MDM1: variants seen among roughly 807,000 people sequenced by gnomAD.
The protein encoded by MDM1 is Mdm1 nuclear protein.
Under a neutral mutation model 89.1 loss-of-function variants are expected in MDM1, and 61 were observed. The ratio of observed to expected loss-of-function variants is 0.68; its 90% CI spans 0.56 to 0.85. The LOEUF (loss-of-function observed/expected upper bound fraction) is 0.85. MDM1 is among the 40% of genes least tolerant of loss of function. The probability of loss-of-function intolerance (pLI) is 0.00; values close to 1 mark genes in which losing one functional copy is unlikely to be tolerated. For synonymous variants in MDM1, 290 were observed against 294.1 expected (o/e 0.99, Z 0.14); for missense variants, 820 against 846.5 (o/e 0.97, Z 0.39).
At chr12:68,304,261 A>T (rs77019553) in intron 12 of MDM1, among the ~76,000 whole-genome samples, 6,119 of 152,224 alleles carry the variant, frequency 0.04, 414 homozygotes, top group African/African-American at 0.14. Flanking sequence ...TAAAAAAAAA[A>T]TTAAATTAAA....
intron 1 of MDM1, 118 bp downstream of exon 1, chr12:68,332,110 G>A: frequency 1.4e-6 from 2 of 1,418,462 alleles, no homozygotes; most frequent in South Asian, 2.5e-5. Flanking sequence ...CCCTGGGGCT[G>A]GCAGCTTCCG....
Position 68,295,345 on chromosome 12 carries a change from A to G in MDM1, c.2084T>C (p.Ile695Thr). 2 of 1,612,410 alleles carry G rather than the reference A, an allele frequency of 1.2e-6. No individual in the cohort carries two copies. The highest frequency in any genetic ancestry group is 1.7e-6 in the Non-Finnish European group (2 of 1,179,002). ...ACTAGAAGCTGCAGAGCGAGCAGAA[A>G]TCTCAGACAATCTGTCCTCATCTGC... is the stretch of plus-strand genomic sequence containing the variant. ...NDEDEDRLSEISARSAASSLR... is the reference protein window; with the variant it reads ...NDEDEDRLSETSARSAASSLR... The change falls in exon 15 of 15, where the codon ATT becomes ACT. Residue 695 changes from isoleucine to threonine, a missense_variant. Ile to Thr is a moderately conservative substitution (Grantham distance 89). Transcript: ENST00000682720.
At chr12:68,309,877 T>C (rs1873449470) in intron 12 of MDM1, among the ~76,000 whole-genome samples, 1 of 152,234 alleles carries the variant, frequency 6.6e-6, no homozygotes. Context: ...AGCTAGCTCC[T>C]GGTATAGTCC....
At chr12:68,318,621 C>A (rs1475947265) in intron 7 of MDM1, among the ~76,000 whole-genome samples, 1 of 151,890 alleles carries the variant, frequency 6.6e-6, no homozygotes, top group East Asian at 1.9e-4. Context: ...GTAGTATGTT[C>A]TACTAAAAAG....
intron 12 of MDM1, among the ~76,000 whole-genome samples, chr12:68,311,674 A>C (rs1445676214): frequency 6.6e-6 from 1 of 152,078 alleles, no homozygotes. Context: ...TCTCTCTCCA[A>C]AATTATTCTT....
intron 3 of MDM1, 29 bp from the exon 4 acceptor site, chr12:68,325,604 A>C: frequency 6.8e-7 from 1 of 1,480,784 alleles, no homozygotes; most frequent in Non-Finnish European, 9.0e-7. Flanking sequence ...CCACTCAAAG[A>C]CATTAAAAAT....
intron 10 of MDM1, 37 bp from the exon 11 acceptor site, chr12:68,313,790 T>C (rs1230097406): frequency 2.1e-6 from 3 of 1,457,152 alleles, no homozygotes; most frequent in African/African-American, 2.8e-5. Context: ...TATACAGCAT[T>C]TCCTCGAGAA....
chr12:68,295,152 T>C lies in MDM1; in HGVS notation c.*102A>G, dbSNP rs1871203668. On this transcript the variant is annotated 3_prime_UTR_variant, in exon 15 of 15. Transcript: ENST00000682720. ...CTATTGGAAATTAAATATTTCAAAG[T>C]AGAAAACGTTAGGAAAAACTTCACT... The C allele has an allele frequency of 1.5e-6, 1 of 676,014 alleles. No individual in the cohort carries two copies. The highest frequency in any genetic ancestry group is 2.6e-6 in the Non-Finnish European group (1 of 384,820). The allele number at this position is 676,014 out of a possible 1,614,324, so 41.9% of individuals were successfully genotyped here. A position where few individuals can be genotyped will look rare whatever the true frequency, so the allele number is the denominator to read the frequency against.
intron 12 of MDM1, 83 bp downstream of exon 12, chr12:68,313,360 A>C (rs1873960819): frequency 1.0e-6 from 1 of 989,530 alleles, no homozygotes. Flanking sequence ...ATTCTCTAAA[A>C]TCTTAACCCA....
rs1023105972 is a variant in MDM1 at position 68,326,929 on chromosome 12, A to C, written c.226T>G (p.Ser76Ala). The C allele has an allele frequency of 1.2e-6, 2 of 1,614,056 alleles. No homozygotes were observed. The highest frequency in any genetic ancestry group is 1.7e-5 in the Admixed American group (1 of 60,014). The change falls in exon 3 of 15, where the codon TCA (serine) becomes GCA (alanine). Residue 76 changes from serine (S) to alanine (A), a missense_variant. By Grantham distance (99) the Ser-to-Ala change is moderately conservative (BLOSUM62 1). Coordinates refer to ENST00000682720, the MANE Select transcript of MDM1 (RefSeq NM_001354969.2). ...SKSLEWNGAI[S>A]ESNVVASPEP... is the part of the protein sequence containing the mutation. ...GGTGATGCAACCACATTGCTCTCTG[A>C]GATAGCTCCATTCCACTCCAGAGAT...
At chr12:68,314,087 A>G (rs757466895) in intron 10 of MDM1, among the ~76,000 whole-genome samples, 14 of 150,230 alleles carry the variant, frequency 9.3e-5, no homozygotes, top group African/African-American at 3.2e-4. Context: ...CAGTGAGCCG[A>G]TATCGTGCCA....
intron 13 of MDM1, among the ~76,000 whole-genome samples, chr12:68,301,056 A>T (rs1301412348): frequency 6.6e-6 from 1 of 152,220 alleles, no homozygotes; most frequent in Non-Finnish European, 1.5e-5. Flanking sequence ...CTCTTGAATG[A>T]TTTTAGGGTT....
intron 13 of MDM1, 90 bp from the exon 14 acceptor site, chr12:68,297,072 C>G: frequency 6.1e-6 from 5 of 820,150 alleles, no homozygotes; most frequent in Non-Finnish European, 8.8e-6. Context: ...TAAAAGTAGG[C>G]TGTCAGAAAT....
At position 68,326,366 on chromosome 12, in the gene MDM1, T is replaced by C. The variant is rs111406068; in HGVS notation, c.498+291A>G. On this transcript the variant is annotated intron_variant, in intron 3 of 14. Transcript: ENST00000682720. ...ACTTCCCTTCTCTGTCTCAACTTGA[T>C]CTCTCCCTTAGGACTCAGGTGCTAA... The C allele has an allele frequency of 1.7e-3, 2,369 of 1,418,968 alleles. 33 individuals carry two copies. The African/African-American group carries it at 0.025, about 15-fold the overall frequency. 87.9% of individuals were successfully genotyped at this position (1,418,968 alleles called of 1,614,324 possible). A position where few individuals can be genotyped will look rare whatever the true frequency, so the allele number is the denominator to read the frequency against.
Position 68,295,341 on chromosome 12 carries a change from A to C in MDM1, c.2088T>G (p.Ser696=). 6.2e-7 allele frequency: 1 copy of C among 1,612,948 alleles called. No homozygotes were observed. The highest frequency in any genetic ancestry group is 8.5e-7 in the Non-Finnish European group (1 of 1,179,360). ...GGAGACTAGAAGCTGCAGAGCGAGC[A>C]GAAATCTCAGACAATCTGTCCTCAT... ...DEDEDRLSEI[S]ARSAASSLRA... The change falls in exon 15 of 15, where the codon TCT becomes TCG. Residue 696 remains serine (S), a synonymous_variant. Coordinates refer to ENST00000682720, the MANE Select transcript of MDM1 (RefSeq NM_001354969.2).
chr12:68,331,136 GGGTACTTTCGCCCCAC>G lies in MDM1; in HGVS notation c.88_103del (p.Val30HisfsTer10), dbSNP rs772707930. The G allele has an allele frequency of 3.1e-6, 5 of 1,607,986 alleles. No homozygotes were observed. The highest frequency in any genetic ancestry group is 4.3e-6 in the Non-Finnish European group (5 of 1,174,424). ...TTGATCTGATCTAAGTCCAGCCCAT[GGGTACTTTCGCCCCAC>G]GGAGGAATTACAAGACTCGGACAAA... is the stretch of plus-strand genomic sequence containing the variant. On this transcript the variant is annotated frameshift_variant, in exon 2 of 15. Coordinates refer to ENST00000682720, the MANE Select transcript of MDM1 (RefSeq NM_001354969.2). LOFTEE classifies it high-confidence loss of function.
In MDM1 at chr12:68,295,295, G is replaced by A. The variant is rs139660855; in HGVS notation, c.2134C>T (p.Arg712Ter). ...SSLRAFQTLA[R>*]AKKRKENFWG... Reference sequence around the variant, plus strand: ...AAATTCTCCTTCCTTTTCTTAGCTCGTGCCAGAGTTTGAAAAGCCCGGAGA... The same window carrying A: ...AAATTCTCCTTCCTTTTCTTAGCTCATGCCAGAGTTTGAAAAGCCCGGAGA... Residue 712 changes from arginine (R) to a stop codon, truncating the protein, a stop_gained, in exon 15 of 15, where the codon CGA (arginine) becomes TGA (stop). Transcript: ENST00000682720. LOFTEE classifies it high-confidence loss of function. 138 of 1,612,792 alleles carry A rather than the reference G, an allele frequency of 8.6e-5. No homozygotes were observed. Among genetic ancestry groups the A allele is most frequent in the African/African-American group, 8.1e-4 (61 of 74,980 alleles).
intron 9 of MDM1, 63 bp downstream of exon 9, chr12:68,316,015 A>G (rs1178622387): frequency 7.2e-7 from 1 of 1,382,982 alleles, no homozygotes; most frequent in Non-Finnish European, 9.7e-7. Flanking sequence ...ATTTTCCTAT[A>G]TCATTCTATG....
chr12:68,298,966 C>A (rs1190827176), intron 13 of MDM1, among the ~76,000 whole-genome samples: 1 of 152,124 alleles, frequency 6.6e-6, no homozygotes, highest in African/African-American at 2.4e-5. Flanking sequence ...ACTGAGTACA[C>A]AGCTACTACA....
Sources: gnomAD v4.1 joint callset for allele counts (sites outside exome capture counted in the v4.1 genomes callset) on GRCh38, gnomAD v4.1.1 for gene constraint, MANE v1.5 for transcripts, NCBI Gene and HGNC (gene_info 2026-07-23, HGNC 2026-07-21) for gene names.